Variants in ERBB4 observed in about 807,000 individuals in gnomAD.
ERBB4 encodes the protein receptor tyrosine-protein kinase erbB-4.
ERBB4 carries 42 observed loss-of-function variants against 158.0 expected under a neutral mutation model. The observed-to-expected ratio is 0.27, with a 90% CI of 0.21 to 0.34. The LOEUF is 0.34. ERBB4 is among the 10% of genes least tolerant of loss of function. The probability of loss-of-function intolerance (pLI) is 1.00; values close to 1 mark genes in which losing one functional copy is unlikely to be tolerated. For missense variants in ERBB4, 1,333 were observed against 1,624.1 expected, an observed-to-expected ratio of 0.82 and a Z score of 3.08; for synonymous variants, 583 against 558.7, an observed-to-expected ratio of 1.04 and a Z score of -0.61.
At chr2:212,451,386 G>A (rs755793007) in intron 1 of ERBB4, among the ~76,000 whole-genome samples, 9 of 152,128 alleles carry the variant, frequency 5.9e-5, no homozygotes, top group African/African-American at 1.2e-4. Context: ...AGAATTTACC[G>A]ATTGAAAATA....
intron 5 of ERBB4, among the ~76,000 whole-genome samples, chr2:211,730,454 C>T (rs1013147230): frequency 6.6e-6 from 1 of 151,886 alleles, no homozygotes; most frequent in Non-Finnish European, 1.5e-5. Context: ...CCTCCCCCAT[C>T]TCCTTCCTCT....
Position 211,788,177 on chromosome 2 carries a change from TAAAC to T in ERBB4, c.422-22_422-19del, listed in dbSNP as rs760692278. 7.5e-6 allele frequency: 12 copies of T among 1,603,494 alleles called. No homozygotes were observed. Among genetic ancestry groups the T allele is most frequent in the African/African-American group, 5.4e-5 (4 of 74,654 alleles). The stretch of plus-strand genomic sequence containing the variant: ...TAGGATTTCTGTATTAAAAAACAAA[TAAAC>T]AAATTTTTTGTCAAACTGCTTGTTG... On this transcript the variant is annotated intron_variant, in intron 3 of 27. Transcript: ENST00000342788.
intron 3 of ERBB4, among the ~76,000 whole-genome samples, chr2:211,888,038 C>T (rs905033672): frequency 6.6e-6 from 1 of 152,140 alleles, no homozygotes; most frequent in African/African-American, 2.4e-5. Context: ...CTAATATTCC[C>T]CCAGGCCAAT....
chr2:211,472,289 A>T (rs2125528416), intron 20 of ERBB4, among the ~76,000 whole-genome samples: 1 of 149,478 alleles, frequency 6.7e-6, no homozygotes, highest in South Asian at 2.1e-4. Context: ...GACAATAATA[A>T]ATAATATTTA....
At chr2:212,078,638 T>C (rs965551323) in intron 2 of ERBB4, among the ~76,000 whole-genome samples, 2 of 151,890 alleles carry the variant, frequency 1.3e-5, no homozygotes, top group East Asian at 1.9e-4. Flanking sequence ...TATGGGCTCA[T>C]TGTACATATT....
At chr2:212,453,944 CT>C (rs5838332) in intron 1 of ERBB4, among the ~76,000 whole-genome samples, 77,436 of 145,458 alleles carry the variant, frequency 0.53, 20,596 homozygotes, top group African/African-American at 0.58. Context: ...TATTCCTTAA[CT>C]TTTTTTTTTT....
intron 20 of ERBB4, among the ~76,000 whole-genome samples, chr2:211,545,626 G>A (rs1462274247): frequency 6.6e-6 from 1 of 151,956 alleles, no homozygotes; most frequent in Admixed American, 6.6e-5. Flanking sequence ...AAAATCCATG[G>A]CTTAAAGCTT....
At chr2:212,412,530 G>C (rs1441213554) in intron 1 of ERBB4, among the ~76,000 whole-genome samples, 1 of 152,164 alleles carries the variant, frequency 6.6e-6, no homozygotes, top group Non-Finnish European at 1.5e-5. Context: ...CAGAAGCTGA[G>C]CAGATGCCAG....
At position 211,608,198 on chromosome 2, in the gene ERBB4, G is replaced by C. The variant is rs896640107; in HGVS notation, c.2301+10979C>G. ...AAAGATGAGGCCATCAACTGGCTTT[G>C]AACAGTAAGAATACCTCTTGAACAA... On this transcript the variant is annotated intron_variant, in intron 19 of 27. Transcript: ENST00000342788. 2.6e-5 allele frequency among the ~76,000 whole-genome samples: 4 copies of C among 152,248 alleles called. No individual in the cohort carries two copies. The East Asian group carries it at 7.7e-4, about 29-fold the overall frequency.
At chr2:212,187,286 C>T (rs2082041967) in intron 1 of ERBB4, among the ~76,000 whole-genome samples, 1 of 151,942 alleles carries the variant, frequency 6.6e-6, no homozygotes, top group Non-Finnish European at 1.5e-5. Flanking sequence ...GATGATTCTT[C>T]GGTTTAAGAT....
At chr2:212,401,807 ATAAT>A (rs2091214573) in intron 1 of ERBB4, among the ~76,000 whole-genome samples, 1 of 152,128 alleles carries the variant, frequency 6.6e-6, no homozygotes, top group Non-Finnish European at 1.5e-5. Flanking sequence ...GGCCACAAAC[ATAAT>A]TATTGAAAAC....
intron 2 of ERBB4, among the ~76,000 whole-genome samples, chr2:212,078,716 TAA>T (rs2078344328): frequency 6.6e-6 from 1 of 151,720 alleles, no homozygotes; most frequent in Non-Finnish European, 1.5e-5. Context: ...CATTTGCAGT[TAA>T]GAGACTATTA....
intron 3 of ERBB4, among the ~76,000 whole-genome samples, chr2:211,890,713 C>G (rs2078941352): frequency 7.4e-6 from 1 of 135,492 alleles, no homozygotes; most frequent in Non-Finnish European, 1.6e-5. Context: ...GGAGGAAGAT[C>G]TACCAAGCAA....
intron 2 of ERBB4, among the ~76,000 whole-genome samples, chr2:212,109,276 A>G (rs1280479997): frequency 6.6e-6 from 1 of 152,172 alleles, no homozygotes; most frequent in East Asian, 1.9e-4. Flanking sequence ...AAGGCACTCC[A>G]TTATGTTGTA....
chr2:212,133,673 C>G (rs2125589767), intron 1 of ERBB4, among the ~76,000 whole-genome samples: 1 of 150,980 alleles, frequency 6.6e-6, no homozygotes, highest in East Asian at 1.9e-4. Context: ...AAAGAATATA[C>G]ATAAAGGAAG....
At chr2:212,200,749 T>G (rs1029232234) in intron 1 of ERBB4, among the ~76,000 whole-genome samples, 1 of 152,196 alleles carries the variant, frequency 6.6e-6, no homozygotes, top group Non-Finnish European at 1.5e-5. Context: ...CCTTTCCTAA[T>G]AGAGAATATC....
At chr2:211,723,975 C>T (rs1383993213) in intron 6 of ERBB4, among the ~76,000 whole-genome samples, 1 of 152,094 alleles carries the variant, frequency 6.6e-6, no homozygotes, top group South Asian at 2.1e-4. Flanking sequence ...ATAATGGAAC[C>T]ATGACAAAAA....
At chr2:212,189,082 T>TTGGG in intron 1 of ERBB4, among the ~76,000 whole-genome samples, 1 of 103,560 alleles carries the variant, frequency 9.7e-6, no homozygotes, top group East Asian at 3.1e-4. Flanking sequence ...ACTTTTTTTT[T>TTGGG]GGGGGGGGGG....
chr2:212,027,106 C>T (rs1381124291), intron 2 of ERBB4, among the ~76,000 whole-genome samples: 2 of 151,896 alleles, frequency 1.3e-5, no homozygotes, highest in Non-Finnish European at 2.9e-5. Context: ...TGTCCAGTTA[C>T]TCATCCATAA....
Sources: gnomAD v4.1 joint callset for allele counts (sites outside exome capture counted in the v4.1 genomes callset) on GRCh38, gnomAD v4.1.1 for gene constraint, MANE v1.5 for transcripts, NCBI Gene and HGNC (gene_info 2026-07-23, HGNC 2026-07-21) for gene names.